The following SNAP25 variants were observed in gnomAD, a reference collection of about 807,000 sequenced individuals.
SNAP25 encodes the protein synaptosome associated protein 25, also known as synaptosomal-associated protein 25.
In SNAP25, 3 loss-of-function variants were observed where a neutral mutation model predicts 28.7. The ratio of observed to expected loss-of-function variants is 0.10; its 90% CI spans 0.05 to 0.27. The LOEUF is 0.27. Ranked by LOEUF, SNAP25 falls within the 10% of genes least tolerant of loss-of-function variation. The pLI, the probability that SNAP25 is intolerant of heterozygous loss-of-function variation, is 1.00. For synonymous variants in SNAP25, 61 were observed against 88.1 expected, an observed-to-expected ratio of 0.69 and a Z score of 1.72; for missense variants, 117 against 278.7, an observed-to-expected ratio of 0.42 and a Z score of 4.13.
intron 1 of SNAP25, among the ~76,000 whole-genome samples, chr20:10,257,095 T>G (rs1281145915): frequency 1.3e-5 from 2 of 152,154 alleles, no homozygotes; most frequent in East Asian, 1.9e-4. Context: ...CATTCTCAGA[T>G]TCTGATTGAA....
At chr20:10,247,723 G>C (rs1256516395) in intron 1 of SNAP25, among the ~76,000 whole-genome samples, 1 of 152,150 alleles carries the variant, frequency 6.6e-6, no homozygotes, top group Non-Finnish European at 1.5e-5. Flanking sequence ...AAAGAAATTT[G>C]ACTGCAGGGT....
intron 1 of SNAP25, among the ~76,000 whole-genome samples, chr20:10,258,984 T>TA (rs2063365795): frequency 6.6e-6 from 1 of 152,160 alleles, no homozygotes; most frequent in East Asian, 1.9e-4. Flanking sequence ...CTAGAGCAAA[T>TA]AATTTTCCGG....
intron 1 of SNAP25, among the ~76,000 whole-genome samples, chr20:10,252,857 T>C (rs969808005): frequency 6.6e-6 from 1 of 151,664 alleles, no homozygotes. Flanking sequence ...TTTGGCCACT[T>C]AGTAAGTGTG....
At chr20:10,277,904 G>C in intron 3 of SNAP25, 178 bp downstream of exon 3, 2 of 586,302 alleles carry the variant, frequency 3.4e-6, no homozygotes, top group South Asian at 4.4e-5. Context: ...TAGCCATGAA[G>C]ACACCTTCAC....
rs75573098 is a variant in SNAP25, at chr20:10,294,503, A to G, written c.281+1225A>G. The stretch of plus-strand genomic sequence containing the variant: ...AGAAAAAAAATCACATCAGAAATGT[A>G]AAATGGTTTTTCTTCCAGGGTAGTT... On this transcript the variant is annotated intron_variant, in intron 5 of 7. Coordinates refer to ENST00000254976, the MANE Select transcript of SNAP25 (RefSeq NM_130811.4). Among the ~76,000 whole-genome samples the G allele has an allele frequency of 9.2e-3, 1,405 of 152,360 alleles. 15 individuals are homozygous for G. The highest frequency in any genetic ancestry group is 0.013 in the Non-Finnish European group (909 of 68,038).
intron 1 of SNAP25, among the ~76,000 whole-genome samples, chr20:10,232,323 G>T (rs2062842578): frequency 1.3e-5 from 2 of 152,226 alleles, no homozygotes; most frequent in African/African-American, 4.8e-5. Flanking sequence ...TCAATCAATT[G>T]TGGGTGTGGA....
chr20:10,253,215 G>A (rs530834636), intron 1 of SNAP25, among the ~76,000 whole-genome samples: 8 of 152,118 alleles, frequency 5.3e-5, no homozygotes, highest in East Asian at 1.9e-4. Flanking sequence ...GCTACAAACC[G>A]CAAGGAGTAG....
chr20:10,237,564 T>C (rs778766585), intron 1 of SNAP25, among the ~76,000 whole-genome samples: 4 of 152,206 alleles, frequency 2.6e-5, no homozygotes, highest in Non-Finnish European at 5.9e-5. Flanking sequence ...CTTTGGCACA[T>C]TGATAGCTCG....
chr20:10,263,978 T>C (rs362564), intron 1 of SNAP25, among the ~76,000 whole-genome samples: 60,703 of 151,922 alleles, frequency 0.4, 12,348 homozygotes, highest in East Asian at 0.62. Context: ...AATCAGGAAC[T>C]GTTGCATAAT....
chr20:10,224,490 C>T (rs1447224906), intron 1 of SNAP25, among the ~76,000 whole-genome samples: 1 of 151,482 alleles, frequency 6.6e-6, no homozygotes, highest in African/African-American at 2.4e-5. Context: ...TAATGATGTC[C>T]AATATCCCTA....
At chr20:10,264,917 G>GATTTTTTTTT (rs1568600552) in intron 1 of SNAP25, among the ~76,000 whole-genome samples, 1 of 136,076 alleles carries the variant, frequency 7.3e-6, no homozygotes, top group African/African-American at 3.1e-5. Context: ...CTCAGACCAT[G>GATTTTTTTTT]CTTTTTTTTT....
At chr20:10,275,098 T>TAAAA (rs1487672627) in intron 1 of SNAP25, among the ~76,000 whole-genome samples, 1 of 151,212 alleles carries the variant, frequency 6.6e-6, no homozygotes, top group Non-Finnish European at 1.5e-5. Flanking sequence ...AATAAATAAA[T>TAAAA]AAATAAATAA....
chr20:10,225,437 G>T (rs908880506), intron 1 of SNAP25, among the ~76,000 whole-genome samples: 2 of 152,124 alleles, frequency 1.3e-5, no homozygotes, highest in African/African-American at 4.8e-5. Context: ...CCTATTTAAG[G>T]ATTAGCATTT....
intron 1 of SNAP25, among the ~76,000 whole-genome samples, chr20:10,250,165 T>C (rs2063201025): frequency 6.6e-6 from 1 of 152,216 alleles, no homozygotes; most frequent in Non-Finnish European, 1.5e-5. Context: ...CTTTCAAAAT[T>C]ATATTTTCTT....
rs540233241 is a variant in SNAP25 at position 10,283,748 on chromosome 20, G to T, written c.115-976G>T. Among the ~76,000 whole-genome samples, 10 of 152,250 alleles carry T rather than the reference G, an allele frequency of 6.6e-5. No homozygotes were observed. The East Asian group carries it at 1.7e-3, about 26-fold the overall frequency. On this transcript the variant is annotated intron_variant, in intron 3 of 7. Transcript: ENST00000254976. ...GAGGTCCTAGCTTAGAATTTCTTCT[G>T]GGGGTACCATGAGCTTTACTTGAAA...
chr20:10,233,585 G>A (rs1437195553), intron 1 of SNAP25, among the ~76,000 whole-genome samples: 1 of 152,172 alleles, frequency 6.6e-6, no homozygotes, highest in African/African-American at 2.4e-5. Context: ...ATTAAGGGAT[G>A]GCATCTAATT....
intron 1 of SNAP25, among the ~76,000 whole-genome samples, chr20:10,268,916 C>T (rs926726453): frequency 1.3e-5 from 2 of 152,098 alleles, no homozygotes; most frequent in Non-Finnish European, 2.9e-5. Context: ...TCTCCCACCA[C>T]TACTGCTGGG....
intron 1 of SNAP25, among the ~76,000 whole-genome samples, chr20:10,268,500 G>A (rs1274108175): frequency 6.6e-6 from 1 of 152,092 alleles, no homozygotes; most frequent in Non-Finnish European, 1.5e-5. Flanking sequence ...CCTGTCCTTT[G>A]GCACTTGGAC....
intron 1 of SNAP25, among the ~76,000 whole-genome samples, chr20:10,235,918 T>C (rs1022177623): frequency 6.6e-6 from 1 of 152,260 alleles, no homozygotes; most frequent in African/African-American, 2.4e-5. Flanking sequence ...CAAGTCTTTG[T>C]TGAGGCTACA....
Sources: allele counts gnomAD v4.1 joint callset (sites outside exome capture counted in the v4.1 genomes callset), GRCh38; gene constraint gnomAD v4.1.1; transcripts MANE v1.5; gene names NCBI Gene and HGNC (gene_info 2026-07-23, HGNC 2026-07-21).